The following ELFN2 variants were observed in gnomAD, a reference collection of about 807,000 sequenced individuals.
ELFN2 encodes protein phosphatase 1 regulatory subunit 29.
ELFN2 carries 17 observed loss-of-function variants against 45.5 expected under a neutral mutation model. That is an observed-to-expected ratio of 0.37 (90% CI 0.26 to 0.56). The LOEUF is 0.56. Ranked by LOEUF, ELFN2 falls within the 20% of genes least tolerant of loss-of-function variation. The probability of loss-of-function intolerance (pLI) is 0.77; values close to 1 mark genes in which losing one functional copy is unlikely to be tolerated. For synonymous variants in ELFN2, 550 were observed against 551.5 expected (o/e 1.00, Z 0.04); for missense variants, 922 against 1,183.2 (o/e 0.78, Z 3.24).
At chr22:37,350,417 G>C (rs567462832) in intron 1 of ELFN2, among the ~76,000 whole-genome samples, 1 of 150,690 alleles carries the variant, frequency 6.6e-6, no homozygotes, top group African/African-American at 2.4e-5. Context: ...CAGGGGACTC[G>C]GTGGCCTCAG....
rs779776054 is a variant in ELFN2 at position 37,374,196 on chromosome 22, C to T, written c.1339G>A (p.Val447Met). 3 of 1,613,692 alleles carry T rather than the reference C, an allele frequency of 1.9e-6. No homozygotes were observed. The Admixed American group carries it at 5.0e-5, about 27-fold the overall frequency. Reference protein sequence around the residue: ...TILEMRYGADVDAGSIVHAAQ... With the variant: ...TILEMRYGADMDAGSIVHAAQ... ...GCGTGCACAATGGAGCCGGCATCCA[C>T]ATCAGCCCCGTAGCGCATCTCCAGG... The change falls in exon 3 of 3, where the codon GTG becomes ATG. Residue 447 changes from valine (V) to methionine (M), a missense_variant. By Grantham distance (21) the Val-to-Met change is conservative. Coordinates refer to ENST00000402918, the MANE Select transcript of ELFN2 (RefSeq NM_052906.5).
intron 2 of ELFN2, among the ~76,000 whole-genome samples, chr22:37,407,113 TTGTG>T (rs1932522272): frequency 6.6e-6 from 1 of 152,080 alleles, no homozygotes; most frequent in South Asian, 2.1e-4. Context: ...GTGTGTGCAT[TTGTG>T]TGTGCTTGTG....
intron 1 of ELFN2, among the ~76,000 whole-genome samples, chr22:37,426,356 G>GCGCA (rs1304277871): frequency 4.2e-5 from 6 of 143,672 alleles, no homozygotes; most frequent in African/African-American, 1.3e-4. Flanking sequence ...GCGCGCGCGC[G>GCGCA]CACACACACA....
chr22:37,343,711 A>C (rs867876827), intron 1 of ELFN2, among the ~76,000 whole-genome samples: 387 of 82,996 alleles, frequency 4.7e-3, no homozygotes, highest in Middle Eastern at 5.7e-3. Context: ...TCCCAGACCC[A>C]CCCCCCCCGG....
chr22:37,351,088 C>T (rs922395589), intron 1 of ELFN2, among the ~76,000 whole-genome samples: 1 of 150,324 alleles, frequency 6.7e-6, no homozygotes, highest in African/African-American at 2.4e-5. Flanking sequence ...AGCCAGCCAA[C>T]CCTCCTCCCT....
intron 2 of ELFN2, among the ~76,000 whole-genome samples, chr22:37,401,258 C>T (rs1932355205): frequency 6.6e-6 from 1 of 152,208 alleles, no homozygotes; most frequent in Non-Finnish European, 1.5e-5. Context: ...CTCAGGTGGG[C>T]AGTGTCTAAG....
intron 2 of ELFN2, among the ~76,000 whole-genome samples, chr22:37,416,194 T>C (rs1006244790): frequency 1.3e-5 from 2 of 152,284 alleles, no homozygotes; most frequent in African/African-American, 4.8e-5. Flanking sequence ...TTCCTGTTTT[T>C]AGTAATTGAA....
intron 1 of ELFN2, among the ~76,000 whole-genome samples, chr22:37,350,489 C>G (rs534876493): frequency 4.6e-5 from 7 of 150,612 alleles, no homozygotes; most frequent in African/African-American, 1.7e-4. Flanking sequence ...ACTACTGATC[C>G]CACATTGCTG....
intron 2 of ELFN2, among the ~76,000 whole-genome samples, chr22:37,395,628 C>T (rs1193613864): frequency 1.3e-5 from 2 of 152,330 alleles, no homozygotes; most frequent in East Asian, 3.9e-4. Context: ...CAAAGTCCTT[C>T]TCTACCTGGG....
At chr22:37,388,362 G>T (rs926516372) in intron 2 of ELFN2, among the ~76,000 whole-genome samples, 1 of 152,110 alleles carries the variant, frequency 6.6e-6, no homozygotes, top group Non-Finnish European at 1.5e-5. Flanking sequence ...AATCATAACT[G>T]CTGCTGCTAC....
intron 1 of ELFN2, among the ~76,000 whole-genome samples, chr22:37,348,188 C>T (rs748138762): frequency 5.3e-5 from 8 of 152,198 alleles, no homozygotes; most frequent in Non-Finnish European, 1.2e-4. Context: ...CAGACACGTG[C>T]GCTCATGTAT....
intron 2 of ELFN2, among the ~76,000 whole-genome samples, chr22:37,413,568 T>TAAA (rs71195012): frequency 8.1e-6 from 1 of 122,708 alleles, no homozygotes; most frequent in Admixed American, 8.5e-5. Flanking sequence ...ACAGCCTGTC[T>TAAA]AAAAAAAAAA....
At chr22:37,387,947 C>T (rs1379727843) in intron 2 of ELFN2, among the ~76,000 whole-genome samples, 1 of 151,682 alleles carries the variant, frequency 6.6e-6, no homozygotes, top group Non-Finnish European at 1.5e-5. Context: ...TCATCTCCCA[C>T]GGCCCCTTCC....
rs746476382 is a variant in ELFN2 at position 37,374,782 on chromosome 22, G to A, written c.753C>T (p.Pro251=). ...LQAKCRNGSL[P]ARPVSHPTPY... ...GCGTGGGGTGGCTCACGGGCCGGGC[G>A]GGCAGCGAGCCATTCCGACACTTGG... Residue 251 remains proline (P), a synonymous_variant, in exon 3 of 3, where the codon CCC becomes CCT. Coordinates refer to ENST00000402918, the MANE Select transcript of ELFN2 (RefSeq NM_052906.5). 3.9e-5 allele frequency: 63 copies of A among 1,607,478 alleles called. No homozygotes were observed. Among genetic ancestry groups the A allele is most frequent in the Admixed American group, 2.5e-4 (15 of 59,956 alleles).
At chr22:37,365,419 G>C (rs1601739543), downstream of ELFN2, among the ~76,000 whole-genome samples, 1 of 152,188 alleles carries the variant, frequency 6.6e-6, no homozygotes, top group Non-Finnish European at 1.5e-5. Context: ...AGAGACCAGG[G>C]AACTGTGCTG....
chr22:37,394,769 C>G (rs1932169205), intron 2 of ELFN2, among the ~76,000 whole-genome samples: 1 of 152,110 alleles, frequency 6.6e-6, no homozygotes, highest in Non-Finnish European at 1.5e-5. Flanking sequence ...GGTTGGCTGC[C>G]GCAAACTCAA....
intron 1 of ELFN2, among the ~76,000 whole-genome samples, chr22:37,357,126 A>T (rs904425589): frequency 1.5e-5 from 2 of 136,318 alleles, no homozygotes; most frequent in Non-Finnish European, 3.3e-5. Flanking sequence ...TCACTGCCCC[A>T]TAAGGGCTGC....
At chr22:37,393,356 C>T (rs1385462121) in intron 2 of ELFN2, among the ~76,000 whole-genome samples, 1 of 152,238 alleles carries the variant, frequency 6.6e-6, no homozygotes, top group Non-Finnish European at 1.5e-5. Flanking sequence ...TGGGCCTGGG[C>T]CTGGGCTTTG....
chr22:37,387,910 C>T (rs1054232485), intron 2 of ELFN2, among the ~76,000 whole-genome samples: 1 of 151,958 alleles, frequency 6.6e-6, no homozygotes, highest in Admixed American at 6.6e-5. Context: ...GAAACTCACT[C>T]GTCCATGTCC....
Sources: gnomAD v4.1 joint callset for allele counts (sites outside exome capture counted in the v4.1 genomes callset) on GRCh38, gnomAD v4.1.1 for gene constraint, MANE v1.5 for transcripts, NCBI Gene and HGNC (gene_info 2026-07-23, HGNC 2026-07-21) for gene names.